CACNA1C: variants seen among roughly 807,000 people sequenced by gnomAD.
CACNA1C encodes the protein calcium voltage-gated channel subunit alpha1 C, also known as voltage-dependent L-type calcium channel subunit alpha-1C.
In CACNA1C, 30 loss-of-function variants were observed where a neutral mutation model predicts 229.0. The observed-to-expected ratio is 0.13, with a 90% CI of 0.10 to 0.18. The LOEUF is 0.18. Ranked by LOEUF, CACNA1C falls within the 10% of genes least tolerant of loss-of-function variation. The pLI is 1.00. For missense variants in CACNA1C, 1,658 were observed against 2,845.0 expected, an observed-to-expected ratio of 0.58 and a Z score of 9.49; for synonymous variants, 1,114 against 1,132.5, an observed-to-expected ratio of 0.98 and a Z score of 0.33.
At chr12:2,376,406 C>A (rs1209925887) in intron 3 of CACNA1C, among the ~76,000 whole-genome samples, 1 of 152,058 alleles carries the variant, frequency 6.6e-6, no homozygotes, top group Admixed American at 6.5e-5. Flanking sequence ...AGGAGGGGGG[C>A]AAATAGCACC....
At chr12:2,189,339 G>A (rs1195475393) in intron 3 of CACNA1C, among the ~76,000 whole-genome samples, 2 of 152,152 alleles carry the variant, frequency 1.3e-5, no homozygotes, top group East Asian at 3.9e-4. Context: ...CAAATATTGA[G>A]CACCAAATGG....
At position 2,439,098 on chromosome 12, in the gene CACNA1C, C is replaced by T. The variant is rs145552362; in HGVS notation, c.478-9878C>T. ...AGTGAGCTCCTTGGAGAGTTTGGGG[C>T]TGTGGCCACGCTCTGACACACAGCT... On this transcript the variant is annotated intron_variant, in intron 3 of 46. Coordinates refer to ENST00000399655, the MANE Select transcript of CACNA1C (RefSeq NM_000719.7). Among the ~76,000 whole-genome samples the T allele has an allele frequency of 8.5e-4, 129 of 152,294 alleles. 1 individual carries two copies. The highest frequency in any genetic ancestry group is 3.0e-3 in the African/African-American group (125 of 41,566).
At chr12:2,112,033 C>T (rs929596079) in intron 1 of CACNA1C, among the ~76,000 whole-genome samples, 3 of 152,156 alleles carry the variant, frequency 2.0e-5, no homozygotes, top group Admixed American at 6.5e-5. Flanking sequence ...ACCATGTACA[C>T]GAGCACATGT....
rs2909053 is a variant in CACNA1C at position 2,685,562 on chromosome 12, T to C, written c.5574-174T>C. Among the ~76,000 whole-genome samples the C allele has an allele frequency of 0.082, 12,453 of 151,292 alleles. 1,248 individuals carry two copies. The highest frequency in any genetic ancestry group is 0.24 in the African/African-American group (9,668 of 41,138). ...TCCCACTGAGCAGGCCTGGAAGACG[T>C]CAGGGGCAGGCCAGAACTTCTTGGG... is the stretch of plus-strand genomic sequence containing the variant. On this transcript the variant is annotated intron_variant, in intron 43 of 46. Coordinates refer to ENST00000399655, the MANE Select transcript of CACNA1C (RefSeq NM_000719.7).
intron 3 of CACNA1C, among the ~76,000 whole-genome samples, chr12:2,277,631 C>T (rs2089347519): frequency 6.6e-6 from 1 of 152,198 alleles, no homozygotes; most frequent in Non-Finnish European, 1.5e-5. Flanking sequence ...CACCATTCCT[C>T]TTGAAGGTCC....
chr12:2,294,087 T>A (rs961491811), intron 3 of CACNA1C, among the ~76,000 whole-genome samples: 6 of 152,236 alleles, frequency 3.9e-5, no homozygotes, highest in African/African-American at 1.4e-4. Flanking sequence ...GAGGGGTGTT[T>A]ACCATCCACC....
chr12:2,218,238 A>T (rs1453820757), intron 3 of CACNA1C, among the ~76,000 whole-genome samples: 3 of 152,142 alleles, frequency 2.0e-5, no homozygotes. Context: ...ATGTCCAGTA[A>T]ATGTTTATTG....
chr12:2,171,506 G>T (rs11062137), intron 3 of CACNA1C, among the ~76,000 whole-genome samples: 1 of 152,176 alleles, frequency 6.6e-6, no homozygotes. Flanking sequence ...ACAGGGTTCC[G>T]CCATTTCCTG....
chr12:2,097,659 G>A (rs1477835434), intron 1 of CACNA1C, among the ~76,000 whole-genome samples: 2 of 152,224 alleles, frequency 1.3e-5, no homozygotes, highest in Non-Finnish European at 2.9e-5. Flanking sequence ...AGCCGCCGGG[G>A]CTCTCTGTGT....
At chr12:1,988,489 G>C (rs1035014667) in intron 1 of CACNA1C, among the ~76,000 whole-genome samples, 6 of 152,206 alleles carry the variant, frequency 3.9e-5, no homozygotes, top group Admixed American at 1.3e-4. Context: ...ATAGCCAACA[G>C]AGCAAAGATA....
chr12:2,358,563 A>G (rs1194855254), intron 3 of CACNA1C, among the ~76,000 whole-genome samples: 1 of 152,180 alleles, frequency 6.6e-6, no homozygotes, highest in East Asian at 1.9e-4. Context: ...AATAAATGCC[A>G]ATTCTGTTGG....
chr12:2,517,340 A>G (rs930104313), intron 9 of CACNA1C, among the ~76,000 whole-genome samples: 1 of 152,236 alleles, frequency 6.6e-6, no homozygotes, highest in Non-Finnish European at 1.5e-5. Context: ...GGAGACTCAC[A>G]CAGACTCTAG....
rs550154517 is a variant in CACNA1C at position 2,635,639 on chromosome 12, T to A, written c.3912+1259T>A. ...TTCTTCCAGATTAGAGACCCCTGTC[T>A]GCTCCTCTTTTAGCAGATGGACTAT... On this transcript the variant is annotated intron_variant, in intron 30 of 46. Transcript: ENST00000399655. Among the ~76,000 whole-genome samples, 3 of 152,220 alleles carry A rather than the reference T, an allele frequency of 2.0e-5. No individual in the cohort carries two copies. In the South Asian group the frequency reaches 6.2e-4, roughly 32 times the overall value.
At chr12:2,464,802 TAGA>T in intron 5 of CACNA1C, among the ~76,000 whole-genome samples, 1 of 152,230 alleles carries the variant, frequency 6.6e-6, no homozygotes, top group Admixed American at 6.5e-5. Context: ...CATGTGTGGA[TAGA>T]GGTCAGAAGC....
At chr12:2,659,037 GAAGA>G (rs1478682851) in intron 34 of CACNA1C, among the ~76,000 whole-genome samples, 1 of 152,014 alleles carries the variant, frequency 6.6e-6, no homozygotes. Context: ...ATTTATTACT[GAAGA>G]AAGAAAAGTA....
intron 29 of CACNA1C, among the ~76,000 whole-genome samples, chr12:2,625,035 G>A (rs781196407): frequency 1.3e-5 from 2 of 152,158 alleles, no homozygotes; most frequent in African/African-American, 2.4e-5. Context: ...GGCACCGGGT[G>A]CCACGCAGTG....
At chr12:2,124,478 A>G (rs2089040117) in intron 3 of CACNA1C, among the ~76,000 whole-genome samples, 1 of 152,220 alleles carries the variant, frequency 6.6e-6, no homozygotes, top group African/African-American at 2.4e-5. Context: ...GAGAAGAGCC[A>G]GGTGATGGGG....
At chr12:2,194,001 T>G (rs1238183016) in intron 3 of CACNA1C, among the ~76,000 whole-genome samples, 3 of 152,116 alleles carry the variant, frequency 2.0e-5, no homozygotes, top group Non-Finnish European at 4.4e-5. Context: ...CAGTGTTTAT[T>G]CCTGACCCAG....
intron 2 of CACNA1C, among the ~76,000 whole-genome samples, chr12:2,119,918 C>T (rs990304594): frequency 3.9e-5 from 6 of 152,276 alleles, no homozygotes; most frequent in East Asian, 1.9e-4. Flanking sequence ...CCATGTCCCC[C>T]GTTCCAGGTG....
Sources: allele counts gnomAD v4.1 joint callset (sites outside exome capture counted in the v4.1 genomes callset), GRCh38; gene constraint gnomAD v4.1.1; transcripts MANE v1.5; gene names NCBI Gene and HGNC (gene_info 2026-07-23, HGNC 2026-07-21).